FLT3LG: variants seen among roughly 807,000 people sequenced by gnomAD.
The protein encoded by FLT3LG is fms-related tyrosine kinase 3 ligand.
In FLT3LG, 8 loss-of-function variants were observed where a neutral mutation model predicts 30.9. The observed-to-expected ratio is 0.26, with a 90% CI of 0.15 to 0.47. The LOEUF is 0.47. FLT3LG is among the 20% of genes least tolerant of loss of function. The pLI is 0.99. For synonymous variants in FLT3LG, 123 were observed against 135.9 expected, an observed-to-expected ratio of 0.91 and a Z score of 0.66; for missense variants, 278 against 306.2, an observed-to-expected ratio of 0.91 and a Z score of 0.69.
intron 6 of FLT3LG, chr19:49,479,828 G>A (rs150266934): frequency 0.031 from 4,478 of 146,396 alleles, 232 homozygotes; most frequent in African/African-American, 0.11. Flanking sequence ...TTTCTAAGTC[G>A]GAGTCTTGCT....
In FLT3LG at chr19:49,476,402, C is replaced by T. The variant is rs777706269; in HGVS notation, c.199-21C>T. ...CCCCGTGCCCAGCTCCTCCCTCAGA[C>T]CCGTGGGTTCTCCCCTCTAGGAGGA... On this transcript the variant is annotated intron_variant, in intron 4 of 8. Coordinates refer to ENST00000597551, the MANE Select transcript of FLT3LG (RefSeq NM_001459.4). The surrounding 1 kb of genome is among the most constrained non-coding windows in gnomAD (Gnocchi z 5.3). 3 of 1,605,496 alleles carry T rather than the reference C, an allele frequency of 1.9e-6. No individual in the cohort carries two copies. The highest frequency in any genetic ancestry group is 2.6e-6 in the Non-Finnish European group (3 of 1,175,800).
intron 5 of FLT3LG, among the ~76,000 whole-genome samples, 195 bp from the exon 6 acceptor site, chr19:49,478,714 A>AT: frequency 6.6e-6 from 1 of 151,444 alleles, no homozygotes; most frequent in South Asian, 2.1e-4. Context: ...CAGAGGTTGC[A>AT]TTTCACCACT....
At chr19:49,482,627 A>AT (rs59196692) in intron 8 of FLT3LG, among the ~76,000 whole-genome samples, 272 of 141,194 alleles carry the variant, frequency 1.9e-3, no homozygotes, top group Non-Finnish European at 1.8e-3. Flanking sequence ...TGGTAGCCAC[A>AT]TTTTTTTTTT....
At chr19:49,479,498 C>CTTT (rs1177717575) in intron 6 of FLT3LG, among the ~76,000 whole-genome samples, 6 of 96,056 alleles carry the variant, frequency 6.2e-5, no homozygotes, top group Admixed American at 2.2e-4. Context: ...CCCAGCCTAC[C>CTTT]TTTTTTTTTT....
At chr19:49,477,737 A>C (rs2079443547) in intron 5 of FLT3LG, among the ~76,000 whole-genome samples, 1 of 151,154 alleles carries the variant, frequency 6.6e-6, no homozygotes, top group African/African-American at 2.4e-5. Flanking sequence ...GCAAGACTCC[A>C]TCTCCAAAAA....
At chr19:49,483,714 C>T (rs1411401181) in intron 8 of FLT3LG, among the ~76,000 whole-genome samples, 1 of 150,794 alleles carries the variant, frequency 6.6e-6, no homozygotes, top group African/African-American at 2.4e-5. Context: ...AGAGCAAGAC[C>T]CTGTCTCAAA....
In FLT3LG at chr19:49,480,757, C is replaced by T. The variant is rs560545948; in HGVS notation, c.*21+137C>T. 3.3e-5 allele frequency: 29 copies of T among 882,788 alleles called. No homozygotes were observed. In the South Asian group the frequency reaches 4.1e-4, roughly 12 times the overall value. The allele number at this position is 882,788 out of a possible 1,614,324, so 54.7% of individuals were successfully genotyped here. ...GCAGAAAGACCCCTCTGGGGCCAGG[C>T]GCGGTGGCTCACGCCTGTAATCCCA... On this transcript the variant is annotated intron_variant, in intron 8 of 8. Coordinates refer to ENST00000597551, the MANE Select transcript of FLT3LG (RefSeq NM_001459.4).
chr19:49,485,135 C>T (rs552729949), intron 8 of FLT3LG, among the ~76,000 whole-genome samples: 2 of 151,028 alleles, frequency 1.3e-5, no homozygotes, highest in Non-Finnish European at 1.5e-5. Context: ...ATCCTCCTGC[C>T]TCAGCCTCCT....
chr19:49,475,242 G>A (rs1405473401), intron 2 of FLT3LG, among the ~76,000 whole-genome samples: 1 of 125,506 alleles, frequency 8.0e-6, no homozygotes, highest in Admixed American at 7.8e-5. Context: ...CAGAGGAGGG[G>A]GAGATGGACA....
At chr19:49,475,388 C>T (rs1180642043) in intron 2 of FLT3LG, among the ~76,000 whole-genome samples, 1 of 150,876 alleles carries the variant, frequency 6.6e-6, no homozygotes, top group Non-Finnish European at 1.5e-5. Context: ...GCTGGAGGAA[C>T]CCGGGCGAGG....
In FLT3LG at chr19:49,476,693, G is replaced by T. The variant is rs1471148097; in HGVS notation, c.342+127G>T. On this transcript the variant is annotated intron_variant, in intron 5 of 8. Coordinates refer to ENST00000597551, the MANE Select transcript of FLT3LG (RefSeq NM_001459.4). The surrounding 1 kb of genome is among the most constrained non-coding windows in gnomAD (Gnocchi z 5.3). The stretch of plus-strand genomic sequence containing the variant: ...ACCCAACGAAGGTAGAGCGAGAAGC[G>T]CCACCCTGCAGAGCCCTGTTCCTAC... The T allele has an allele frequency of 6.4e-6, 8 of 1,255,562 alleles. No individual in the cohort carries two copies. The African/African-American group carries it at 1.2e-4, about 19-fold the overall frequency. 77.8% of individuals were successfully genotyped at this position (1,255,562 alleles called of 1,614,324 possible). A position where few individuals can be genotyped will look rare whatever the true frequency, so the allele number is the denominator to read the frequency against.
Position 49,476,113 on chromosome 19 carries a change from T to C in FLT3LG, c.145-32T>C. ...CCCACAGTTCTGTTTCTCGCTGTTT[T>C]CAGCCAGGCCTGATCCTGTTTTCTC... On this transcript the variant is annotated intron_variant, in intron 3 of 8. Transcript: ENST00000597551. This position sits in a 1 kb window ranked among gnomAD's most constrained non-coding sequence, Gnocchi z 5.3. 6.2e-7 allele frequency: 1 copy of C among 1,613,634 alleles called. No individual in the cohort carries two copies. The highest frequency in any genetic ancestry group is 8.5e-7 in the Non-Finnish European group (1 of 1,179,748).
At chr19:49,484,288 A>AT (rs745909519) in intron 8 of FLT3LG, among the ~76,000 whole-genome samples, 11,275 of 98,440 alleles carry the variant, frequency 0.11, 1,319 homozygotes, top group African/African-American at 0.28. Flanking sequence ...TTTTATTATA[A>AT]TTTTTTTTTT....
rs1464820366 is a variant in FLT3LG, at chr19:49,476,906, G to A, written c.342+340G>A. On this transcript the variant is annotated intron_variant, in intron 5 of 8. Coordinates refer to ENST00000597551, the MANE Select transcript of FLT3LG (RefSeq NM_001459.4). The surrounding 1 kb of genome is among the most constrained non-coding windows in gnomAD (Gnocchi z 5.3). Reference sequence around the variant, plus strand: ...TCACTCCTGTAATCCTAGCACTTTGGGAGGCTGAGGTGGGCGGATCACTTG... The same window carrying A: ...TCACTCCTGTAATCCTAGCACTTTGAGAGGCTGAGGTGGGCGGATCACTTG... Among the ~76,000 whole-genome samples the A allele has an allele frequency of 2.6e-5, 4 of 151,992 alleles. No individual in the cohort carries two copies. The highest frequency in any genetic ancestry group is 2.9e-5 in the Non-Finnish European group (2 of 68,000).
chr19:49,474,567 T>C, intron 1 of FLT3LG, 36 bp from the exon 2 acceptor site: 1 of 1,514,026 alleles, frequency 6.6e-7, no homozygotes. Context: ...GGCTGGGGCA[T>C]GAGGGTCCGA....
chr19:49,474,685 C>A lies in FLT3LG; in HGVS notation c.33+13C>A. The A allele has an allele frequency of 1.9e-6, 3 of 1,611,524 alleles. No homozygotes were observed. Among genetic ancestry groups the A allele is most frequent in the Non-Finnish European group, 2.5e-6 (3 of 1,179,390 alleles). Reference sequence around the variant, plus strand: ...CTGGAGCCCAACAGTGCGTAAACCCCAGGGACAAGATCAGGGGAGAGGGGA... The same window carrying A: ...CTGGAGCCCAACAGTGCGTAAACCCAAGGGACAAGATCAGGGGAGAGGGGA... On this transcript the variant is annotated intron_variant, in intron 2 of 8. Coordinates refer to ENST00000597551, the MANE Select transcript of FLT3LG (RefSeq NM_001459.4).
intron 8 of FLT3LG, among the ~76,000 whole-genome samples, chr19:49,484,370 C>A (rs567388132): frequency 6.8e-6 from 1 of 147,830 alleles, no homozygotes; most frequent in Non-Finnish European, 1.5e-5. Context: ...TCTTGACTCA[C>A]GGCAACCTCC....
Position 49,476,085 on chromosome 19 carries a change from G to C in FLT3LG, c.145-60G>C, listed in dbSNP as rs2079384261. 1 of 1,587,128 alleles carries C rather than the reference G, an allele frequency of 6.3e-7. No individual in the cohort carries two copies. The highest frequency in any genetic ancestry group is 8.6e-7 in the Non-Finnish European group (1 of 1,156,240). Reference sequence around the variant, plus strand: ...TCTGGATCTCTGCTGCCACCTCTGGGTCCCCACAGTTCTGTTTCTCGCTGT... The same window carrying C: ...TCTGGATCTCTGCTGCCACCTCTGGCTCCCCACAGTTCTGTTTCTCGCTGT... On this transcript the variant is annotated intron_variant, in intron 3 of 8. Coordinates refer to ENST00000597551, the MANE Select transcript of FLT3LG (RefSeq NM_001459.4). This position sits in a 1 kb window ranked among gnomAD's most constrained non-coding sequence, Gnocchi z 5.3.
At chr19:49,480,227 C>T in intron 6 of FLT3LG, 71 bp from the exon 7 acceptor site, 1 of 1,160,200 alleles carries the variant, frequency 8.6e-7, no homozygotes, top group Non-Finnish European at 1.2e-6. Context: ...CAGCCAGTGG[C>T]AGCCAGGCCT....
Sources: allele counts gnomAD v4.1 joint callset (sites outside exome capture counted in the v4.1 genomes callset), GRCh38; gene constraint gnomAD v4.1.1; non-coding constraint Gnocchi (gnomAD v3.1); transcripts MANE v1.5; gene names NCBI Gene and HGNC (gene_info 2026-07-23, HGNC 2026-07-21).